The following DDHD2 variants were observed in gnomAD, a reference collection of about 807,000 sequenced individuals.
DDHD2 encodes triacylglycerol hydrolase DDHD2.
In DDHD2, 62 loss-of-function variants were observed where a neutral mutation model predicts 91.2. That is an observed-to-expected ratio of 0.68 (90% CI 0.55 to 0.84). The LOEUF (loss-of-function observed/expected upper bound fraction) is 0.84, where lower values mean the gene tolerates loss of function less well. Ranked by LOEUF, DDHD2 falls within the 40% of genes least tolerant of loss-of-function variation. The pLI is 0.00. For synonymous variants in DDHD2, 271 were observed against 293.9 expected (o/e 0.92, Z 0.80); for missense variants, 740 against 846.9 (o/e 0.87, Z 1.57).
At chr8:38,266,883 G>T, downstream of DDHD2, 1 of 288,676 alleles carries the variant, frequency 3.5e-6, no homozygotes, top group Non-Finnish European at 5.9e-6. Context: ...TCTATAAATG[G>T]GACTCATAAA....
chr8:38,249,633 G>T (rs764028624), intron 10 of DDHD2, 75 bp from the exon 11 acceptor site: 7 of 954,870 alleles, frequency 7.3e-6, no homozygotes, highest in Non-Finnish European at 1.1e-5. Flanking sequence ...GAGTGCCTAG[G>T]CCTTGTTCCT....
intron 3 of DDHD2, 26 bp from the exon 4 acceptor site, chr8:38,237,512 T>G (rs1404332701): frequency 1.6e-6 from 2 of 1,233,882 alleles, no homozygotes; most frequent in Non-Finnish European, 2.4e-6. Context: ...ACTAGAGAAC[T>G]CTAATGAAAT....
At chr8:38,257,734 G>A (rs551918273) in intron 16 of DDHD2, among the ~76,000 whole-genome samples, 4 of 144,328 alleles carry the variant, frequency 2.8e-5, no homozygotes, top group East Asian at 4.1e-4. Context: ...GTGTGATCTC[G>A]GCTCACTGCA....
intron 5 of DDHD2, 36 bp downstream of exon 5, chr8:38,238,245 T>A: frequency 6.2e-7 from 1 of 1,611,742 alleles, no homozygotes; most frequent in Non-Finnish European, 8.5e-7. Context: ...TACCTTTGGA[T>A]GTATTTGTTT....
chr8:38,258,362 C>T (rs1340691208), intron 16 of DDHD2, among the ~76,000 whole-genome samples: 1 of 151,052 alleles, frequency 6.6e-6, no homozygotes, highest in Non-Finnish European at 1.5e-5. Context: ...AAATGATTTT[C>T]CTGCCTCAGC....
In DDHD2 at chr8:38,261,431, G is replaced by T. The variant is rs1226451080; in HGVS notation, c.*858G>T. ...TTGTGTAGCCTCTACAGGCTGCTGA[G>T]GTTCTAAATAAAACCTTTTAGTGGT... is the stretch of plus-strand genomic sequence containing the variant. On this transcript the variant is annotated 3_prime_UTR_variant, in exon 18 of 18. Transcript: ENST00000397166. The T allele has an allele frequency of 6.6e-6, 1 of 152,178 alleles. No homozygotes were observed. Among genetic ancestry groups the T allele is most frequent in the Non-Finnish European group, 1.5e-5 (1 of 68,038 alleles). 9.4% of individuals were successfully genotyped at this position (152,178 alleles called of 1,614,324 possible).
At chr8:38,246,079 G>A in intron 8 of DDHD2, 129 bp downstream of exon 8, 1 of 1,106,486 alleles carries the variant, frequency 9.0e-7, no homozygotes, top group Non-Finnish European at 1.3e-6. Flanking sequence ...AGGAAATTTG[G>A]AAGGGGTTGG....
chr8:38,235,412 T>C (rs1198596290), intron 3 of DDHD2, among the ~76,000 whole-genome samples: 1 of 151,858 alleles, frequency 6.6e-6, no homozygotes, highest in Admixed American at 6.6e-5. Flanking sequence ...GGTTGTGGTG[T>C]TTTAAGGTGT....
intron 1 of DDHD2, 109 bp from the exon 2 acceptor site, chr8:38,232,878 T>G (rs888090435): frequency 1.5e-6 from 1 of 668,600 alleles, no homozygotes; most frequent in Non-Finnish European, 2.6e-6. Flanking sequence ...ATTTTGTTGT[T>G]GTTGTTGTTG....
intron 6 of DDHD2, chr8:38,242,032 T>A (rs1461765222): frequency 4.7e-6 from 2 of 421,488 alleles, no homozygotes; most frequent in Non-Finnish European, 8.3e-6. Context: ...CCAGCTTGGG[T>A]TACAGAGCAG....
chr8:38,242,938 A>G (rs564985720), intron 7 of DDHD2, among the ~76,000 whole-genome samples: 2 of 152,296 alleles, frequency 1.3e-5, no homozygotes, highest in African/African-American at 4.8e-5. Context: ...GAGGATATCT[A>G]GCTATGGGGC....
Position 38,253,723 on chromosome 8 carries a change from A to G in DDHD2, c.2054+5A>G, listed in dbSNP as rs879897038. 1.2e-6 allele frequency: 2 copies of G among 1,611,194 alleles called. No individual in the cohort carries two copies. The highest frequency in any genetic ancestry group is 1.7e-6 in the Non-Finnish European group (2 of 1,178,944). ...ACAAAGCCATCTATGCTACTGGTAAATGTTGTTTATTTTTGTCTGTTTTGT... is the reference window on the plus strand; with the variant it reads ...ACAAAGCCATCTATGCTACTGGTAAGTGTTGTTTATTTTTGTCTGTTTTGT... On this transcript the variant is annotated splice_donor_5th_base_variant and intron_variant, in intron 16 of 17. Transcript: ENST00000397166.
chr8:38,268,745 T>A, intron 1 of DDHD2: 4 of 1,433,558 alleles, frequency 2.8e-6, no homozygotes, highest in Non-Finnish European at 3.7e-6. Flanking sequence ...ACTCGAGCCC[T>A]AGGAGGCGGA....
At position 38,249,776 on chromosome 8, in the gene DDHD2, C is replaced by G. The variant is rs1183091304; in HGVS notation, c.1317C>G (p.Asn439Lys). 1 of 1,611,374 alleles carries G rather than the reference C, an allele frequency of 6.2e-7. No homozygotes were observed. The highest frequency in any genetic ancestry group is 1.7e-5 in the Admixed American group (1 of 59,910). ...TAGGACCAAGAAAGAAGATATTAAA[C>G]TATTTCAGCACCAGAAAAAACTCAA... is the stretch of plus-strand genomic sequence containing the variant. ...IPLGPRKKIL[N>K]YFSTRKNSMG... The change falls in exon 11 of 18, where the codon AAC becomes AAG. Residue 439 changes from asparagine to lysine, a missense_variant. Physicochemically the swap from Asn to Lys is moderately conservative, Grantham distance 94. Coordinates refer to ENST00000397166, the MANE Select transcript of DDHD2 (RefSeq NM_015214.3).
At chr8:38,238,235 T>A (rs765479429) in intron 5 of DDHD2, 26 bp downstream of exon 5, 9 of 1,612,836 alleles carry the variant, frequency 5.6e-6, no homozygotes, top group Non-Finnish European at 7.6e-6. Flanking sequence ...TATTTTTTCT[T>A]ACCTTTGGAT....
Position 38,253,713 on chromosome 8 carries a change from C to G in DDHD2, c.2049C>G (p.Cys683Trp). The G allele has an allele frequency of 6.2e-7, 1 of 1,613,036 alleles. No homozygotes were observed. Among genetic ancestry groups the G allele is most frequent in the African/African-American group, 1.3e-5 (1 of 74,978 alleles). The part of the protein sequence containing the change: ...EYLFALQSHL[C>W]YWESEDTVLL... ...TATTTGCTTTACAAAGCCATCTATG[C>G]TACTGGTAAATGTTGTTTATTTTTG... Residue 683 changes from cysteine (C) to tryptophan (W), a missense_variant, in exon 16 of 18, where the codon TGC becomes TGG. This residue lies in a region of DDHD2 where 47 missense variants were observed against 82.6 expected (regional missense o/e 0.57). Coordinates refer to ENST00000397166, the MANE Select transcript of DDHD2 (RefSeq NM_015214.3).
In DDHD2 at chr8:38,233,073, G is replaced by C. The variant is rs1804418093; in HGVS notation, c.79G>C (p.Glu27Gln). 6.2e-7 allele frequency: 1 copy of C among 1,614,142 alleles called. No individual in the cohort carries two copies. Among genetic ancestry groups the C allele is most frequent in the East Asian group, 2.2e-5 (1 of 44,878 alleles). The stretch of plus-strand genomic sequence containing the variant: ...GTCACCAAACTCATGTAGTTCCTTT[G>C]AGCTAATAGACATGGATGCTGGCAG... Reference protein sequence around the residue: ...SPSPNSCSSFELIDMDAGSLY... With the variant: ...SPSPNSCSSFQLIDMDAGSLY... Residue 27 changes from glutamate (E) to glutamine (Q), a missense_variant, in exon 2 of 18, where the codon GAG (glutamate) becomes CAG (glutamine). Physicochemically the swap from Glu to Gln is conservative, Grantham distance 29. Coordinates refer to ENST00000397166, the MANE Select transcript of DDHD2 (RefSeq NM_015214.3).
At chr8:38,239,358 AGTGAGACTCTGTCT>A (rs1340478004) in intron 5 of DDHD2, among the ~76,000 whole-genome samples, 1 of 144,090 alleles carries the variant, frequency 6.9e-6, no homozygotes, top group Non-Finnish European at 1.5e-5. Context: ...TAGGCGACAG[AGTGAGACTCTGTCT>A]CAAAAAAAAA....
chr8:38,263,842 G>A (rs536105066), downstream of DDHD2: 26 of 984,710 alleles, frequency 2.6e-5, no homozygotes, highest in Non-Finnish European at 3.0e-5. Flanking sequence ...TCTAAGAATG[G>A]CATTTAAATT....
Sources: allele counts gnomAD v4.1 joint callset (sites outside exome capture counted in the v4.1 genomes callset), GRCh38; gene constraint gnomAD v4.1.1; regional missense constraint gnomAD v4.1.1; transcripts MANE v1.5; gene names NCBI Gene and HGNC (gene_info 2026-07-23, HGNC 2026-07-21).